GFM1: variants seen among roughly 807,000 people sequenced by gnomAD.
The protein encoded by GFM1 is elongation factor G, mitochondrial.
In GFM1, 62 loss-of-function variants were observed where a neutral mutation model predicts 96.2. The observed-to-expected ratio is 0.64, with a 90% confidence interval of 0.53 to 0.80. The LOEUF is 0.80. Ranked by LOEUF, GFM1 falls within the 30% of genes least tolerant of loss-of-function variation. GFM1 has a pLI of 0.00. For missense variants in GFM1, 852 were observed against 916.6 expected (o/e 0.93, Z 0.91); for synonymous variants, 282 against 312.9 (o/e 0.90, Z 1.04).
chr3:158,690,108 A>G, intron 15 of GFM1, 55 bp from the exon 16 acceptor site: 1 of 1,444,536 alleles, frequency 6.9e-7, no homozygotes, highest in Non-Finnish European at 9.7e-7. Context: ...ATATCTGGAC[A>G]GAAGAGTTGT....
chr3:158,684,489 C>T, intron 14 of GFM1, 35 bp from the exon 15 acceptor site: 1 of 1,612,174 alleles, frequency 6.2e-7, no homozygotes, highest in Non-Finnish European at 8.5e-7. Context: ...AAGTAAAATC[C>T]ACTCACTCCA....
At chr3:158,681,170 G>A (rs1041644294) in intron 13 of GFM1, among the ~76,000 whole-genome samples, 5 of 152,142 alleles carry the variant, frequency 3.3e-5, no homozygotes, top group Non-Finnish European at 7.4e-5. Flanking sequence ...TTGTATGCAG[G>A]AATGTGCAGT....
At position 158,684,527 on chromosome 3, in the gene GFM1, T is replaced by A; in HGVS notation, c.1768T>A (p.Phe590Ile). Residue 590 changes from phenylalanine (F) to isoleucine (I), a missense_variant, in exon 15 of 18, where the codon TTT becomes ATT. Physicochemically the swap from Phe to Ile is conservative, Grantham distance 21 (BLOSUM62 0). Transcript: ENST00000486715. Reference protein sequence around the residue: ...KQFVPAVEKGFLDACEKGPLS... With the variant: ...KQFVPAVEKGILDACEKGPLS... ...AGTTGTGTTCATTCATTAACAGGGG[T>A]TTTTAGATGCCTGCGAGAAGGGCCC... is the stretch of plus-strand genomic sequence containing the variant. 1 of 1,613,058 alleles carries A rather than the reference T, an allele frequency of 6.2e-7. No homozygotes were observed. The highest frequency in any genetic ancestry group is 8.5e-7 in the Non-Finnish European group (1 of 1,179,622).
intron 13 of GFM1, among the ~76,000 whole-genome samples, chr3:158,671,571 A>G (rs115249688): frequency 6.8e-4 from 103 of 152,364 alleles, no homozygotes; most frequent in African/African-American, 2.2e-3. Flanking sequence ...AAATCAAGAT[A>G]CAGATTGAAA....
chr3:158,644,665 G>C lies in GFM1; in HGVS notation c.31G>C (p.Ala11Pro). 1 of 1,577,638 alleles carries C rather than the reference G, an allele frequency of 6.3e-7. No homozygotes were observed. The highest frequency in any genetic ancestry group is 8.6e-7 in the Non-Finnish European group (1 of 1,162,438). The change falls in exon 1 of 18, where the codon GCT becomes CCT. Residue 11 changes from alanine (A) to proline (P), a missense_variant. Ala to Pro is a conservative substitution (Grantham distance 27). Coordinates refer to ENST00000486715, the MANE Select transcript of GFM1 (RefSeq NM_024996.7). MRLLGAAAVA[A>P]LGRGRAPASL... is the part of the protein sequence containing the mutation. ...ACTCCTGGGAGCTGCAGCCGTCGCG[G>C]CTCTGGGGCGCGGAAGGGCCCCCGC...
At chr3:158,658,877 T>G in intron 8 of GFM1, 45 bp from the exon 9 acceptor site, 1 of 1,605,892 alleles carries the variant, frequency 6.2e-7, no homozygotes, top group Non-Finnish European at 8.5e-7. Context: ...TTGATTATTA[T>G]GTTTCTTTTT....
chr3:158,662,546 G>A, intron 10 of GFM1, 82 bp from the exon 11 acceptor site: 1 of 800,794 alleles, frequency 1.2e-6, no homozygotes, highest in East Asian at 2.4e-5. Flanking sequence ...CTGTTGTAAA[G>A]TGGCACATTA....
At chr3:158,684,831 T>A (rs41272619) in intron 15 of GFM1, 163 bp downstream of exon 15, 291 of 658,068 alleles carry the variant, frequency 4.4e-4, no homozygotes, top group Non-Finnish European at 6.7e-4. Flanking sequence ...CAAGGTAGAT[T>A]ATTATGTTCT....
At position 158,684,548 on chromosome 3, in the gene GFM1, G is replaced by A; in HGVS notation, c.1789G>A (p.Gly597Ser). Residue 597 changes from glycine to serine, a missense_variant, in exon 15 of 18, where the codon GGC becomes AGC. Physicochemically the swap from Gly to Ser is moderately conservative, Grantham distance 56 (BLOSUM62 0). Transcript: ENST00000486715. ...EKGFLDACEK[G>S]PLSGHKLSGL... Reference sequence around the variant, plus strand: ...GGGGTTTTTAGATGCCTGCGAGAAGGGCCCTCTTTCTGGTCACAAGCTCTC... The same window carrying A: ...GGGGTTTTTAGATGCCTGCGAGAAGAGCCCTCTTTCTGGTCACAAGCTCTC... 1 of 1,614,038 alleles carries A rather than the reference G, an allele frequency of 6.2e-7. No homozygotes were observed. Among genetic ancestry groups the A allele is most frequent in the South Asian group, 1.1e-5 (1 of 91,074 alleles).
At chr3:158,665,269 T>C in intron 11 of GFM1, 68 bp from the exon 12 acceptor site, 2 of 1,237,002 alleles carry the variant, frequency 1.6e-6, no homozygotes, top group Non-Finnish European at 2.4e-6. Flanking sequence ...TTCAGTAAAG[T>C]TTTTTCTAAA....
At chr3:158,673,208 C>A (rs1477632047) in intron 13 of GFM1, among the ~76,000 whole-genome samples, 1 of 152,134 alleles carries the variant, frequency 6.6e-6, no homozygotes, top group African/African-American at 2.4e-5. Flanking sequence ...TGCACCTGTA[C>A]CCCTCTCCTT....
In GFM1 at chr3:158,644,952, C is replaced by G. The variant is rs533451527; in HGVS notation, c.81+237C>G. On this transcript the variant is annotated intron_variant, in intron 1 of 17. Coordinates refer to ENST00000486715, the MANE Select transcript of GFM1 (RefSeq NM_024996.7). ...ACTAAAAGTGTCTGTCACTCAGATA[C>G]TTTGATATTTTATCCACCTTTTCTA... 18 of 369,326 alleles carry G rather than the reference C, an allele frequency of 4.9e-5. No individual in the cohort carries two copies. The South Asian group carries it at 7.9e-4, about 16-fold the overall frequency. The allele number at this position is 369,326 out of a possible 1,614,324, so 22.9% of individuals were successfully genotyped here. A position where few individuals can be genotyped will look rare whatever the true frequency, so the allele number is the denominator to read the frequency against.
intron 13 of GFM1, among the ~76,000 whole-genome samples, chr3:158,676,261 T>C (rs1038235994): frequency 5.3e-5 from 8 of 152,120 alleles, no homozygotes; most frequent in Non-Finnish European, 1.0e-4. Flanking sequence ...AACCAGACCC[T>C]GTCTCAAAAA....
At chr3:158,676,171 A>T (rs1724874948) in intron 13 of GFM1, among the ~76,000 whole-genome samples, 1 of 152,144 alleles carries the variant, frequency 6.6e-6, no homozygotes, top group African/African-American at 2.4e-5. Context: ...CGGGAGGCTG[A>T]GGTGGGTGGC....
intron 14 of GFM1, among the ~76,000 whole-genome samples, chr3:158,683,746 GT>G (rs1725603360): frequency 6.6e-6 from 1 of 152,108 alleles, no homozygotes; most frequent in South Asian, 2.1e-4. Context: ...TCTATGATGG[GT>G]TATGAGTAAT....
chr3:158,655,482 T>TC (rs1278217101), intron 8 of GFM1, among the ~76,000 whole-genome samples: 1 of 116,834 alleles, frequency 8.6e-6, no homozygotes, highest in African/African-American at 4.1e-5. Context: ...AGACTTCATC[T>TC]CGGAAAAAAA....
At chr3:158,672,638 A>C in intron 13 of GFM1, 1 of 838,352 alleles carries the variant, frequency 1.2e-6, no homozygotes, top group Non-Finnish European at 1.8e-6. Flanking sequence ...CGACTCCGGA[A>C]GCTGCTGTTT....
rs1158828145 is a variant in GFM1, at chr3:158,691,845, G to GA, written c.*384dup. On this transcript the variant is annotated 3_prime_UTR_variant, in exon 18 of 18. Transcript: ENST00000486715. ...AGAGTTTTCAACATAGAGAAAAGCT[G>GA]AAAAAATGCAAAGAATAACCACATA... The GA allele has an allele frequency of 5.2e-6, 1 of 192,958 alleles. No individual in the cohort carries two copies. Among genetic ancestry groups the GA allele is most frequent in the Admixed American group, 5.5e-5 (1 of 18,278 alleles). 12.0% of individuals were successfully genotyped at this position (192,958 alleles called of 1,614,324 possible). A position where few individuals can be genotyped will look rare whatever the true frequency, so the allele number is the denominator to read the frequency against.
At chr3:158,673,738 A>G (rs1483983046) in intron 13 of GFM1, among the ~76,000 whole-genome samples, 1 of 151,874 alleles carries the variant, frequency 6.6e-6, no homozygotes, top group Non-Finnish European at 1.5e-5. Flanking sequence ...TCCTGACCTC[A>G]GGTGATCCAC....
Sources: gnomAD v4.1 joint callset for allele counts (sites outside exome capture counted in the v4.1 genomes callset) on GRCh38, gnomAD v4.1.1 for gene constraint, MANE v1.5 for transcripts, NCBI Gene and HGNC (gene_info 2026-07-23, HGNC 2026-07-21) for gene names.